Variants in DGKB observed in about 807,000 individuals in gnomAD.
DGKB encodes the protein 90 kDa diacylglycerol kinase.
A neutral mutation model predicts 114.3 loss-of-function variants in DGKB; 67 were observed. That is an observed-to-expected ratio of 0.59 (90% CI 0.48 to 0.72). DGKB has a LOEUF of 0.72. Among genes scored for constraint, DGKB ranks in the 30% least tolerant of loss-of-function variants. The probability of loss-of-function intolerance (pLI) is 0.00; values close to 1 mark genes in which losing one functional copy is unlikely to be tolerated. For missense variants in DGKB, 907 were observed against 975.2 expected (o/e 0.93, Z 0.93); for synonymous variants, 398 against 323.1 (o/e 1.23, Z -2.49).
At chr7:14,482,428 A>C (rs1664762979) in intron 20 of DGKB, among the ~76,000 whole-genome samples, 1 of 152,060 alleles carries the variant, frequency 6.6e-6, no homozygotes, top group Non-Finnish European at 1.5e-5. Flanking sequence ...TTATCTAACA[A>C]ACTCAAAAGG....
intron 19 of DGKB, among the ~76,000 whole-genome samples, chr7:14,579,336 T>C (rs1799600123): frequency 6.6e-6 from 1 of 152,300 alleles, no homozygotes; most frequent in South Asian, 2.1e-4. Flanking sequence ...CTTTGTCCAT[T>C]GTTAGTGCTT....
At position 14,872,298 on chromosome 7, in the gene DGKB, C is replaced by G. The variant is rs576253013; in HGVS notation, c.-188+30294G>C. 1.8e-4 allele frequency among the ~76,000 whole-genome samples: 27 copies of G among 152,276 alleles called. No homozygotes were observed. The East Asian group carries it at 3.9e-3, about 22-fold the overall frequency. ...ACGCTATACCTGCTACCACTAGCAA[C>G]AATCACAAATAAATGATTAAAACAT... is the stretch of plus-strand genomic sequence containing the variant. On this transcript the variant is annotated intron_variant, in intron 1 of 25. Transcript: ENST00000402815.
chr7:14,910,298 GAAAGAAAGAAAGAA>G (rs1562869061), intron 1 of DGKB, among the ~76,000 whole-genome samples: 2 of 116,742 alleles, frequency 1.7e-5, no homozygotes, highest in Non-Finnish European at 3.8e-5. Context: ...AAGAAAGAAA[GAAAGAAAGAAAGAA>G]AGAACCTTAT....
intron 20 of DGKB, among the ~76,000 whole-genome samples, chr7:14,480,689 A>G (rs1782854242): frequency 2.6e-5 from 4 of 152,132 alleles, no homozygotes; most frequent in Admixed American, 2.6e-4. Flanking sequence ...TAGAAGGCAC[A>G]AACTCTGAAT....
At chr7:14,224,384 G>T (rs1326034546) in intron 23 of DGKB, among the ~76,000 whole-genome samples, 2 of 151,890 alleles carry the variant, frequency 1.3e-5, no homozygotes, top group Non-Finnish European at 2.9e-5. Flanking sequence ...TTTATTTGCT[G>T]TGTTATTGTT....
intron 1 of DGKB, among the ~76,000 whole-genome samples, chr7:14,878,755 C>CAAAAAAAAAAAAAAAA (rs5882472): frequency 1.1e-4 from 12 of 112,598 alleles, no homozygotes; most frequent in Non-Finnish European, 2.1e-4. Flanking sequence ...TCTCAAAAAA[C>CAAAAAAAAAAAAAAAA]AAAAAAAAAA....
At chr7:14,538,830 C>A (rs2128613459) in intron 20 of DGKB, among the ~76,000 whole-genome samples, 1 of 152,174 alleles carries the variant, frequency 6.6e-6, no homozygotes, top group East Asian at 1.9e-4. Flanking sequence ...GCATTTGTGA[C>A]AACACGGATG....
chr7:14,441,952 A>C (rs574824200), intron 21 of DGKB, among the ~76,000 whole-genome samples: 1 of 152,128 alleles, frequency 6.6e-6, no homozygotes, highest in East Asian at 1.9e-4. Flanking sequence ...ATATCAGGAT[A>C]TGATTTCCTA....
chr7:14,841,374 C>G lies in DGKB; in HGVS notation c.-111G>C. ...CATGGCATGTTTCATGATAAAATAC[C>G]TCAGGCTTTCAAAATATGCAATCTG... On this transcript the variant is annotated 5_prime_UTR_variant, in exon 2 of 26. Coordinates refer to ENST00000402815, the MANE Select transcript of DGKB (RefSeq NM_001350709.2). The G allele has an allele frequency of 1.2e-6, 1 of 857,518 alleles. No homozygotes were observed. Among genetic ancestry groups the G allele is most frequent in the Non-Finnish European group, 1.8e-6 (1 of 559,610 alleles). The allele number at this position is 857,518 out of a possible 1,614,324, so 53.1% of individuals were successfully genotyped here.
rs2128709902 is a variant in DGKB, at chr7:14,574,247, A to G, written c.1735T>C (p.Tyr579His). The G allele has an allele frequency of 6.2e-7, 1 of 1,613,374 alleles. No homozygotes were observed. The highest frequency in any genetic ancestry group is 2.2e-5 in the East Asian group (1 of 44,794). ...GAAAAGTAATTATTGATGATACTGTAAGGCACTGGGTCTCCTTTCTCATCT... is the reference window on the plus strand; with the variant it reads ...GAAAAGTAATTATTGATGATACTGTGAGGCACTGGGTCTCCTTTCTCATCT... ...DKDEKGDPVP[Y>H]SIINNYFSIG... is the part of the protein sequence containing the mutation. Residue 579 changes from tyrosine (Y) to histidine (H), a missense_variant, in exon 20 of 26, where the codon TAC becomes CAC. Physicochemically the swap from Tyr to His is moderately conservative, Grantham distance 83. Transcript: ENST00000402815.
chr7:14,320,333 A>G (rs1380459955), intron 23 of DGKB, among the ~76,000 whole-genome samples: 1 of 152,138 alleles, frequency 6.6e-6, no homozygotes, highest in Non-Finnish European at 1.5e-5. Flanking sequence ...TGATTTCATT[A>G]TGGTCACTTG....
At chr7:14,422,937 C>T (rs999159817) in intron 21 of DGKB, among the ~76,000 whole-genome samples, 8 of 151,900 alleles carry the variant, frequency 5.3e-5, no homozygotes, top group African/African-American at 9.7e-5. Context: ...ACGAGATCAG[C>T]GCCTGTTTTG....
At chr7:14,526,964 T>C (rs568958805) in intron 20 of DGKB, among the ~76,000 whole-genome samples, 14 of 152,252 alleles carry the variant, frequency 9.2e-5, no homozygotes, top group Non-Finnish European at 1.9e-4. Context: ...ATCCTACTAG[T>C]AATATGTTTA....
intron 6 of DGKB, among the ~76,000 whole-genome samples, chr7:14,704,950 C>T (rs530185588): frequency 3.2e-4 from 48 of 152,134 alleles, no homozygotes; most frequent in African/African-American, 1.1e-3. Flanking sequence ...TCACCAGCAA[C>T]GGAACAAAGC....
chr7:14,494,399 C>T (rs564386124), intron 20 of DGKB, among the ~76,000 whole-genome samples: 6 of 151,918 alleles, frequency 3.9e-5, no homozygotes, highest in South Asian at 2.1e-4. Context: ...GTGATTCAAA[C>T]GGGACACTTT....
At chr7:14,401,468 T>C (rs145086844) in intron 21 of DGKB, among the ~76,000 whole-genome samples, 1 of 151,974 alleles carries the variant, frequency 6.6e-6, no homozygotes, top group Admixed American at 6.6e-5. Flanking sequence ...GCTGAAAAAA[T>C]AACTGTGAGG....
At position 14,679,042 on chromosome 7, in the gene DGKB, G is replaced by GTA. The variant is rs202170219; in HGVS notation, c.1035+3510_1035+3511insTA. 3.9e-5 allele frequency among the ~76,000 whole-genome samples: 6 copies of GTA among 152,060 alleles called. No homozygotes were observed. In the East Asian group the frequency reaches 1.2e-3, roughly 30 times the overall value. On this transcript the variant is annotated intron_variant, in intron 12 of 25. Coordinates refer to ENST00000402815, the MANE Select transcript of DGKB (RefSeq NM_001350709.2). ...AATAAAAATCAGTCAGTTGGGCTTA[G>GTA]GATTTAGTGAGATTCAGGACCACAG... is the stretch of plus-strand genomic sequence containing the variant.
intron 23 of DGKB, among the ~76,000 whole-genome samples, chr7:14,235,218 C>G (rs1388988642): frequency 6.6e-6 from 1 of 152,006 alleles, no homozygotes; most frequent in African/African-American, 2.4e-5. Context: ...ATCTGCGGAG[C>G]CAAGACTAGA....
chr7:14,157,351 C>T (rs1438178283), intron 25 of DGKB, among the ~76,000 whole-genome samples: 1 of 143,640 alleles, frequency 7.0e-6, no homozygotes, highest in Non-Finnish European at 1.5e-5. Context: ...TGAAACATAA[C>T]AATTTTCTAA....
Sources: gnomAD v4.1 joint callset for allele counts (sites outside exome capture counted in the v4.1 genomes callset) on GRCh38, gnomAD v4.1.1 for gene constraint, MANE v1.5 for transcripts, NCBI Gene and HGNC (gene_info 2026-07-23, HGNC 2026-07-21) for gene names.